ANKS1B: variants seen among roughly 807,000 people sequenced by gnomAD.
ANKS1B encodes the protein ankyrin repeat and sterile alpha motif domain containing 1B.
Under a neutral mutation model 148.3 loss-of-function variants are expected in ANKS1B, and 36 were observed. The ratio of observed to expected loss-of-function variants is 0.24; its 90% CI spans 0.19 to 0.32. The LOEUF is 0.32. Among genes scored for constraint, ANKS1B ranks in the 10% least tolerant of loss-of-function variants. The pLI is 1.00. For synonymous variants in ANKS1B, 542 were observed against 560.8 expected (o/e 0.97, Z 0.47); for missense variants, 1,157 against 1,542.6 (o/e 0.75, Z 4.19).
intron 12 of ANKS1B, among the ~76,000 whole-genome samples, chr12:99,355,968 C>T (rs2091935740): frequency 6.6e-6 from 1 of 151,754 alleles, no homozygotes; most frequent in African/African-American, 2.4e-5. Context: ...TTTATAAAAT[C>T]CAGGGTCTAA....
intron 17 of ANKS1B, among the ~76,000 whole-genome samples, chr12:98,873,596 G>C (rs190225151): frequency 1.3e-5 from 2 of 152,162 alleles, no homozygotes; most frequent in Non-Finnish European, 2.9e-5. Context: ...ACCTGAAAAG[G>C]TTATACCCTT....
intron 17 of ANKS1B, among the ~76,000 whole-genome samples, chr12:98,983,713 T>C (rs2099920877): frequency 6.6e-6 from 1 of 152,120 alleles, no homozygotes; most frequent in Non-Finnish European, 1.5e-5. Flanking sequence ...CAATAAATCA[T>C]CTGAATAATC....
In ANKS1B at chr12:98,744,950, A is replaced by G. The variant is rs2097849853; in HGVS notation, c.*789T>C. The stretch of plus-strand genomic sequence containing the variant: ...AGCCAGTCCTCTTGGTAGTAGCAGT[A>G]GAAATTTAATTATTTGAAATGAAAC... On this transcript the variant is annotated 3_prime_UTR_variant, in exon 27 of 27. Transcript: ENST00000683438. The G allele has an allele frequency of 2.0e-6, 2 of 985,858 alleles. No individual in the cohort carries two copies. Among genetic ancestry groups the G allele is most frequent in the Non-Finnish European group, 2.4e-6 (2 of 829,924 alleles). 61.1% of individuals were successfully genotyped at this position (985,858 alleles called of 1,614,324 possible).
intron 17 of ANKS1B, among the ~76,000 whole-genome samples, chr12:98,898,988 T>TA (rs1169111838): frequency 1.3e-5 from 2 of 152,216 alleles, no homozygotes; most frequent in African/African-American, 4.8e-5. Flanking sequence ...CCCTTTGTAT[T>TA]AAAAAATTAT....
intron 17 of ANKS1B, chr12:98,894,891 C>T: frequency 1.0e-6 from 1 of 968,696 alleles, no homozygotes; most frequent in Non-Finnish European, 1.2e-6. Context: ...CGCGCGCGCC[C>T]CCCACTGCCC....
At chr12:98,924,002 T>A (rs148775382) in intron 17 of ANKS1B, among the ~76,000 whole-genome samples, 1 of 152,352 alleles carries the variant, frequency 6.6e-6, no homozygotes, top group African/African-American at 2.4e-5. Context: ...ACTTGGGCTG[T>A]AAGCAAGTAA....
At chr12:99,169,405 A>G (rs539442) in intron 14 of ANKS1B, among the ~76,000 whole-genome samples, 151,970 of 152,262 alleles carry the variant, frequency 1, 75,841 homozygotes, top group Middle Eastern at 1. Context: ...TGACATTTGG[A>G]AAGGATGAAG....
intron 21 of ANKS1B, among the ~76,000 whole-genome samples, chr12:98,799,239 C>T (rs1460921343): frequency 6.6e-6 from 1 of 152,116 alleles, no homozygotes; most frequent in Non-Finnish European, 1.5e-5. Context: ...GAAACTGCAA[C>T]ATCTTCTAAA....
intron 17 of ANKS1B, among the ~76,000 whole-genome samples, chr12:99,002,245 A>C (rs1340868054): frequency 6.6e-6 from 1 of 152,202 alleles, no homozygotes; most frequent in Non-Finnish European, 1.5e-5. Context: ...CCATAGCAAC[A>C]GCACCATTTT....
intron 17 of ANKS1B, among the ~76,000 whole-genome samples, chr12:98,959,906 G>T (rs575241915): frequency 2.6e-5 from 4 of 152,194 alleles, no homozygotes; most frequent in African/African-American, 9.6e-5. Flanking sequence ...TTTGTGGAAA[G>T]GGGAGGGAAG....
intron 1 of ANKS1B, among the ~76,000 whole-genome samples, chr12:99,866,312 C>T (rs933991585): frequency 2.0e-5 from 3 of 152,102 alleles, no homozygotes; most frequent in Non-Finnish European, 4.4e-5. Context: ...GTTTGTTGAA[C>T]GGTGTTTTTA....
chr12:99,573,477 G>A (rs2097483594), intron 9 of ANKS1B, among the ~76,000 whole-genome samples: 1 of 151,960 alleles, frequency 6.6e-6, no homozygotes, highest in South Asian at 2.1e-4. Flanking sequence ...GAATAATTTA[G>A]AATTTATAGT....
intron 10 of ANKS1B, among the ~76,000 whole-genome samples, chr12:99,454,636 G>C (rs574877161): frequency 7.3e-4 from 111 of 152,286 alleles, no homozygotes; most frequent in African/African-American, 2.6e-3. Context: ...TGGTCTTTTA[G>C]CATAATAATT....
intron 17 of ANKS1B, among the ~76,000 whole-genome samples, chr12:98,871,209 A>G (rs1488569884): frequency 1.3e-5 from 2 of 152,110 alleles, no homozygotes; most frequent in African/African-American, 4.8e-5. Flanking sequence ...TTCTAAATCA[A>G]TCCCATTATG....
intron 2 of ANKS1B, among the ~76,000 whole-genome samples, chr12:99,821,233 C>T (rs2082458348): frequency 6.6e-6 from 1 of 151,932 alleles, no homozygotes; most frequent in South Asian, 2.1e-4. Flanking sequence ...ACACAACTAG[C>T]AGAGATGGGG....
chr12:98,760,205 A>G (rs1010168251), intron 25 of ANKS1B, among the ~76,000 whole-genome samples: 4 of 152,156 alleles, frequency 2.6e-5, no homozygotes, highest in South Asian at 2.1e-4. Flanking sequence ...GTCATAAAAT[A>G]ATCTTTCCAT....
At chr12:98,844,550 T>C (rs1199149786) in intron 17 of ANKS1B, among the ~76,000 whole-genome samples, 2 of 152,202 alleles carry the variant, frequency 1.3e-5, no homozygotes, top group Non-Finnish European at 1.5e-5. Context: ...CAGGTATTAG[T>C]ATGAGGTTGA....
chr12:99,500,877 C>T (rs1180007725), intron 10 of ANKS1B, among the ~76,000 whole-genome samples: 1 of 152,102 alleles, frequency 6.6e-6, no homozygotes, highest in Admixed American at 6.6e-5. Flanking sequence ...GACGAGAAAA[C>T]TTTGCAGTAT....
intron 12 of ANKS1B, among the ~76,000 whole-genome samples, chr12:99,303,592 A>G (rs932162257): frequency 2.0e-5 from 3 of 152,170 alleles, no homozygotes; most frequent in Non-Finnish European, 4.4e-5. Context: ...AAGAAAAATA[A>G]GGCAAAGTAG....
Sources: gnomAD v4.1 joint callset for allele counts (sites outside exome capture counted in the v4.1 genomes callset) on GRCh38, gnomAD v4.1.1 for gene constraint, MANE v1.5 for transcripts, NCBI Gene and HGNC (gene_info 2026-07-23, HGNC 2026-07-21) for gene names.